The following MINAR1 variants were observed in gnomAD, a reference collection of about 807,000 sequenced individuals.
The protein encoded by MINAR1 is major intrinsically disordered Notch2-binding receptor 1.
A neutral mutation model predicts 65.1 loss-of-function variants in MINAR1; 40 were observed. The ratio of observed to expected loss-of-function variants is 0.61; its 90% CI spans 0.48 to 0.80. MINAR1 has a LOEUF of 0.80. Among genes scored for constraint, MINAR1 ranks in the 30% least tolerant of loss-of-function variants. The pLI is 0.00. For missense variants in MINAR1, 1,128 were observed against 1,148.0 expected, an observed-to-expected ratio of 0.98 and a Z score of 0.25; for synonymous variants, 482 against 449.1, an observed-to-expected ratio of 1.07 and a Z score of -0.93.
rs1278940467 is a variant in MINAR1, at chr15:79,469,028, C to T, written c.*644C>T. On this transcript the variant is annotated 3_prime_UTR_variant, in exon 4 of 4. Transcript: ENST00000305428. ...GCACTTGGAGTGAGAAGGAGCTGGA[C>T]TACCAAGTCAGGCGTGGAATGAAGT... The T allele has an allele frequency of 1.3e-5, 2 of 154,974 alleles. No individual in the cohort carries two copies. The highest frequency in any genetic ancestry group is 2.9e-5 in the Non-Finnish European group (2 of 69,602). 9.6% of individuals were successfully genotyped at this position (154,974 alleles called of 1,614,324 possible). A position where few individuals can be genotyped will look rare whatever the true frequency, so the allele number is the denominator to read the frequency against.
chr15:79,468,561 C>G lies in MINAR1; in HGVS notation c.*177C>G. On this transcript the variant is annotated 3_prime_UTR_variant, in exon 4 of 4. Coordinates refer to ENST00000305428, the MANE Select transcript of MINAR1 (RefSeq NM_015206.3). ...GTATACATTCTAGTGAGAAATCTAC[C>G]TACCTATTAGCTTTGACTCAATTAC... 1 of 616,900 alleles carries G rather than the reference C, an allele frequency of 1.6e-6. No homozygotes were observed. The highest frequency in any genetic ancestry group is 3.1e-5 in the Admixed American group (1 of 32,746). The allele number at this position is 616,900 out of a possible 1,614,324, so 38.2% of individuals were successfully genotyped here. A position where few individuals can be genotyped will look rare whatever the true frequency, so the allele number is the denominator to read the frequency against.
At chr15:79,418,767 ATGCTTGGAC>A in the MINAR1 span, 2 of 152,328 alleles carry the variant, frequency 1.3e-5, no homozygotes, top group African/African-American at 2.4e-5. Context: ...GTGGGTATAG[ATGCTTGGAC>A]TGGAAAGGAC....
chr15:79,454,143 G>C (rs7166922), intron 1 of MINAR1, among the ~76,000 whole-genome samples: 1 of 152,144 alleles, frequency 6.6e-6, no homozygotes, highest in Admixed American at 6.5e-5. Flanking sequence ...GGATTGGAAG[G>C]CTGGGGCGGG....
At chr15:79,462,017 G>A (rs140002381) in intron 2 of MINAR1, among the ~76,000 whole-genome samples, 1 of 152,252 alleles carries the variant, frequency 6.6e-6, no homozygotes, top group African/African-American at 2.4e-5. Flanking sequence ...CACACACTTT[G>A]ACTCACATTC....
chr15:79,452,760 A>AATGT (rs1895275881), intron 1 of MINAR1, among the ~76,000 whole-genome samples: 2 of 139,604 alleles, frequency 1.4e-5, no homozygotes, highest in South Asian at 4.6e-4. Context: ...TGTGTGGGTG[A>AATGT]GTGAAGCTGT....
Position 79,458,022 on chromosome 15 carries a change from C to A in MINAR1, c.1875C>A (p.Gly625=), listed in dbSNP as rs767027975. 26 of 1,614,134 alleles carry A rather than the reference C, an allele frequency of 1.6e-5. No individual in the cohort carries two copies. The highest frequency in any genetic ancestry group is 2.2e-5 in the Non-Finnish European group (26 of 1,180,024). The change falls in exon 2 of 4, where the codon GGC becomes GGA. Residue 625 remains glycine (G), a synonymous_variant. Transcript: ENST00000305428. ...GVRDEISQVL[G]KLNKLDQKMQ... ...GTGATGAAATCTCCCAGGTCTTGGG[C>A]AAACTAAATAAATTGGACCAGAAAA... is the stretch of plus-strand genomic sequence containing the variant.
chr15:79,452,001 T>G (rs1259694629), intron 1 of MINAR1, among the ~76,000 whole-genome samples: 1 of 151,938 alleles, frequency 6.6e-6, no homozygotes, highest in African/African-American at 2.4e-5. Context: ...AGAAAGAGTG[T>G]GGAGATTGTG....
the MINAR1 span, chr15:79,422,017 T>C: frequency 3.9e-5 from 6 of 152,324 alleles, no homozygotes; most frequent in African/African-American, 1.2e-4. Flanking sequence ...GACTGCACTA[T>C]GAGCAGCCGG....
intron 1 of MINAR1, among the ~76,000 whole-genome samples, chr15:79,449,144 C>G (rs1252953266): frequency 1.3e-5 from 2 of 152,124 alleles, no homozygotes; most frequent in Non-Finnish European, 2.9e-5. Context: ...ATTAGAGGAG[C>G]CTGGAGTTCT....
chr15:79,449,267 C>T (rs1895113386), intron 1 of MINAR1, among the ~76,000 whole-genome samples: 1 of 152,184 alleles, frequency 6.6e-6, no homozygotes, highest in Admixed American at 6.5e-5. Context: ...TTGCTCTGCT[C>T]TAACACCCAC....
At chr15:79,419,629 C>T in the MINAR1 span, 1 of 152,020 alleles carries the variant, frequency 6.6e-6, no homozygotes. Context: ...ATAGTTAGGA[C>T]AGAAGAAAGA....
intron 1 of MINAR1, among the ~76,000 whole-genome samples, chr15:79,453,789 C>T (rs1394764409): frequency 6.6e-6 from 1 of 152,198 alleles, no homozygotes; most frequent in African/African-American, 2.4e-5. Flanking sequence ...CTTCAGGAGA[C>T]ACTGGGCCTT....
chr15:79,457,092 A>G lies in MINAR1; in HGVS notation c.945A>G (p.Pro315=), dbSNP rs1193255905. The part of the protein sequence containing the change: ...EMPYNSQYLN[P]VYSPVPDKRR... ...CCTATAACAGCCAGTACCTGAATCC[A>G]GTGTATTCCCCGGTTCCTGACAAAA... Residue 315 remains proline (P), a synonymous_variant, in exon 2 of 4, where the codon CCA becomes CCG. Coordinates refer to ENST00000305428, the MANE Select transcript of MINAR1 (RefSeq NM_015206.3). 6.2e-7 allele frequency: 1 copy of G among 1,614,166 alleles called. No individual in the cohort carries two copies. Among genetic ancestry groups the G allele is most frequent in the South Asian group, 1.1e-5 (1 of 91,078 alleles).
the MINAR1 span, chr15:79,421,747 G>A: frequency 2.0e-5 from 3 of 152,244 alleles, no homozygotes; most frequent in Admixed American, 6.5e-5. Flanking sequence ...AGGGGTAAAG[G>A]AAGACACCAG....
At chr15:79,415,606 G>A in the MINAR1 span, 3 of 152,166 alleles carry the variant, frequency 2.0e-5, no homozygotes, top group Admixed American at 6.5e-5. Context: ...GGGAAATTAC[G>A]TGATGAATTT....
At chr15:79,428,397 TCTCC>T (rs1201501061), upstream of MINAR1, among the ~76,000 whole-genome samples, 7 of 79,556 alleles carry the variant, frequency 8.8e-5, no homozygotes, top group East Asian at 9.0e-4. Context: ...CCTCTCCCTC[TCTCC>T]CTCCCTCCCT....
intron 3 of MINAR1, among the ~76,000 whole-genome samples, chr15:79,465,389 T>C (rs752862021): frequency 1.2e-4 from 18 of 152,086 alleles, no homozygotes; most frequent in Non-Finnish European, 2.2e-4. Flanking sequence ...CTTGAGGGCG[T>C]AGGCAAAGGT....
intron 3 of MINAR1, among the ~76,000 whole-genome samples, chr15:79,464,041 C>T (rs1338992970): frequency 6.6e-6 from 1 of 152,216 alleles, no homozygotes; most frequent in African/African-American, 2.4e-5. Context: ...ACTTGAAGCA[C>T]AGTTGGTGAG....
At chr15:79,429,856 G>C (rs1567046409), upstream of MINAR1, among the ~76,000 whole-genome samples, 1 of 152,206 alleles carries the variant, frequency 6.6e-6, no homozygotes, top group Non-Finnish European at 1.5e-5. Flanking sequence ...GTGTGCAACG[G>C]GAGAGGGAGT....
Sources: gnomAD v4.1 joint callset for allele counts (sites outside exome capture counted in the v4.1 genomes callset) on GRCh38, gnomAD v4.1.1 for gene constraint, MANE v1.5 for transcripts, NCBI Gene and HGNC (gene_info 2026-07-23, HGNC 2026-07-21) for gene names.